The following SEPTIN11 variants were observed in gnomAD, a reference collection of about 807,000 sequenced individuals.
SEPTIN11 encodes the protein septin 11.
A neutral mutation model predicts 51.4 loss-of-function variants in SEPTIN11; 25 were observed. That is an observed-to-expected ratio of 0.49 (90% CI 0.35 to 0.68). The LOEUF is 0.68. SEPTIN11 is among the 30% of genes least tolerant of loss of function. SEPTIN11 has a pLI of 0.00. For missense variants in SEPTIN11, 381 were observed against 520.8 expected (o/e 0.73, Z 2.61); for synonymous variants, 174 against 184.1 (o/e 0.95, Z 0.44).
At chr4:77,004,399 T>A (rs1724336524) in intron 2 of SEPTIN11, among the ~76,000 whole-genome samples, 1 of 152,142 alleles carries the variant, frequency 6.6e-6, no homozygotes, top group African/African-American at 2.4e-5. Context: ...TCCAGCTGGA[T>A]AAAGAAAAAT....
chr4:76,993,716 A>T (rs1723505148), intron 1 of SEPTIN11, among the ~76,000 whole-genome samples: 5 of 152,230 alleles, frequency 3.3e-5, no homozygotes, highest in Admixed American at 3.3e-4. Context: ...AATTAGGCTC[A>T]AATTATGAAA....
intron 2 of SEPTIN11, among the ~76,000 whole-genome samples, chr4:76,997,488 C>T (rs572150315): frequency 6.6e-6 from 1 of 152,210 alleles, no homozygotes; most frequent in South Asian, 2.1e-4. Flanking sequence ...TTAAAAACTT[C>T]TTGAACTTCT....
rs2109968699 is a variant in SEPTIN11, at chr4:77,019,218, C to A, written c.741C>A (p.Asn247Lys). The change falls in exon 6 of 10, where the codon AAC becomes AAA. Residue 247 changes from asparagine to lysine, a missense_variant. Coordinates refer to ENST00000264893, the MANE Select transcript of SEPTIN11 (RefSeq NM_018243.4). ...GCACCGAAGAGGTGAAGATTGGCAA[C>A]AAGATGGCAAAGGCCAGGCAGTACC... ...VGSTEEVKIG[N>K]KMAKARQYPW... The A allele has an allele frequency of 6.2e-7, 1 of 1,613,674 alleles. No homozygotes were observed. The highest frequency in any genetic ancestry group is 8.5e-7 in the Non-Finnish European group (1 of 1,179,870).
At chr4:76,966,778 C>T (rs1018611984) in intron 1 of SEPTIN11, among the ~76,000 whole-genome samples, 5 of 151,924 alleles carry the variant, frequency 3.3e-5, no homozygotes, top group African/African-American at 1.2e-4. Context: ...GTGGGAGGAT[C>T]GCTTGAGTCT....
intron 3 of SEPTIN11, among the ~76,000 whole-genome samples, chr4:77,007,763 C>T (rs1441631936): frequency 1.3e-5 from 2 of 152,216 alleles, no homozygotes; most frequent in African/African-American, 2.4e-5. Flanking sequence ...GCACTTAAAA[C>T]TCTCTGTTAC....
In SEPTIN11 at chr4:76,949,876, C is replaced by G. The variant is rs995191262; in HGVS notation, c.-28C>G. ...CCGGAGTCGGCGTAAAGCACCCGGG[C>G]GCAGCCGGAGCCGGTGCCGCAGCTG... is the stretch of plus-strand genomic sequence containing the variant. On this transcript the variant is annotated 5_prime_UTR_variant, in exon 1 of 10. Coordinates refer to ENST00000264893, the MANE Select transcript of SEPTIN11 (RefSeq NM_018243.4). 26 of 1,515,974 alleles carry G rather than the reference C, an allele frequency of 1.7e-5. No individual in the cohort carries two copies. The African/African-American group carries it at 3.8e-4, about 22-fold the overall frequency. 93.9% of individuals were successfully genotyped at this position (1,515,974 alleles called of 1,614,324 possible).
At chr4:76,959,695 GA>G (rs1036260882) in intron 1 of SEPTIN11, among the ~76,000 whole-genome samples, 18 of 151,502 alleles carry the variant, frequency 1.2e-4, no homozygotes, top group Middle Eastern at 3.4e-3. Context: ...AAACTCTTTT[GA>G]AAAAAAATAA....
chr4:77,037,617 G>A lies in SEPTIN11; in HGVS notation c.*3105G>A. The A allele has an allele frequency of 1.0e-6, 1 of 985,404 alleles. No individual in the cohort carries two copies. The highest frequency in any genetic ancestry group is 1.2e-6 in the Non-Finnish European group (1 of 829,902). 61.0% of individuals were successfully genotyped at this position (985,404 alleles called of 1,614,324 possible). The stretch of plus-strand genomic sequence containing the variant: ...TGGCCACCTCTTTTTTGGGGATTGA[G>A]GGGCCTACATAACTAGCTGGCCTTA... On this transcript the variant is annotated 3_prime_UTR_variant, in exon 10 of 10. Transcript: ENST00000264893.
intron 7 of SEPTIN11, among the ~76,000 whole-genome samples, chr4:77,027,356 G>A (rs1379853719): frequency 1.3e-5 from 2 of 151,960 alleles, no homozygotes; most frequent in South Asian, 2.1e-4. Context: ...GGCTGGTCTC[G>A]AACTCTTGAC....
intron 1 of SEPTIN11, among the ~76,000 whole-genome samples, chr4:76,952,905 G>A (rs2109874426): frequency 6.6e-6 from 1 of 152,292 alleles, no homozygotes; most frequent in Admixed American, 6.5e-5. Flanking sequence ...ACAGAACATG[G>A]CAATTTACTC....
chr4:77,001,711 T>C (rs7677255), intron 2 of SEPTIN11, among the ~76,000 whole-genome samples: 82,627 of 152,072 alleles, frequency 0.54, 23,177 homozygotes, highest in Non-Finnish European at 0.61. Flanking sequence ...AGTTTTGAAA[T>C]ACTTTAGTCA....
Position 77,036,278 on chromosome 4 carries a change from T to C in SEPTIN11, c.*1766T>C. The C allele has an allele frequency of 9.9e-7, 1 of 1,009,248 alleles. No homozygotes were observed. The highest frequency in any genetic ancestry group is 1.2e-6 in the Non-Finnish European group (1 of 845,084). The allele number at this position is 1,009,248 out of a possible 1,614,324, so 62.5% of individuals were successfully genotyped here. On this transcript the variant is annotated 3_prime_UTR_variant, in exon 10 of 10. Transcript: ENST00000264893. Reference sequence around the variant, plus strand: ...GGACCAACATTCTTGTTTTTGCTTTTGTTTTTTTAAATAATTCTAGTCTGG... The same window carrying C: ...GGACCAACATTCTTGTTTTTGCTTTCGTTTTTTTAAATAATTCTAGTCTGG...
chr4:77,037,897 A>G lies in SEPTIN11; in HGVS notation c.*3385A>G, dbSNP rs1040085145. ...ATCTTCCTTCTCTGCTTTGTGACTC[A>G]CCAGCAGTAACACACACAATCCACA... On this transcript the variant is annotated 3_prime_UTR_variant, in exon 10 of 10. Coordinates refer to ENST00000264893, the MANE Select transcript of SEPTIN11 (RefSeq NM_018243.4). The G allele has an allele frequency of 1.0e-6, 1 of 985,900 alleles. No individual in the cohort carries two copies. Among genetic ancestry groups the G allele is most frequent in the African/African-American group, 1.7e-5 (1 of 57,360 alleles). The allele number at this position is 985,900 out of a possible 1,614,324, so 61.1% of individuals were successfully genotyped here. A position where few individuals can be genotyped will look rare whatever the true frequency, so the allele number is the denominator to read the frequency against.
chr4:76,997,317 T>A (rs1723793460), intron 2 of SEPTIN11, among the ~76,000 whole-genome samples: 1 of 152,164 alleles, frequency 6.6e-6, no homozygotes, highest in Admixed American at 6.5e-5. Flanking sequence ...TGTAGCCAAG[T>A]GGACTGTCTT....
Position 77,037,608 on chromosome 4 carries a change from G to C in SEPTIN11, c.*3096G>C. The C allele has an allele frequency of 1.0e-6, 1 of 985,270 alleles. No individual in the cohort carries two copies. The highest frequency in any genetic ancestry group is 1.2e-6 in the Non-Finnish European group (1 of 829,856). The allele number at this position is 985,270 out of a possible 1,614,324, so 61.0% of individuals were successfully genotyped here. ...TGCTGACAGTGGCCACCTCTTTTTT[G>C]GGGATTGAGGGGCCTACATAACTAG... On this transcript the variant is annotated 3_prime_UTR_variant, in exon 10 of 10. Transcript: ENST00000264893.
chr4:77,023,269 T>TACACACACACAC (rs61693678), intron 7 of SEPTIN11, among the ~76,000 whole-genome samples: 88 of 139,254 alleles, frequency 6.3e-4, no homozygotes, highest in East Asian at 2.9e-3. Flanking sequence ...GGAAAATGTA[T>TACACACACACAC]ACACACACAC....
chr4:77,027,911 T>C (rs1478584572), intron 7 of SEPTIN11, among the ~76,000 whole-genome samples: 3 of 152,138 alleles, frequency 2.0e-5, no homozygotes, highest in African/African-American at 7.2e-5. Flanking sequence ...GAGGATAGAA[T>C]TGAAAATAAA....
At chr4:76,974,091 A>C (rs1416621759) in intron 1 of SEPTIN11, among the ~76,000 whole-genome samples, 1 of 152,140 alleles carries the variant, frequency 6.6e-6, no homozygotes, top group Non-Finnish European at 1.5e-5. Context: ...CTTTTCCAGC[A>C]ATCTTTTGAT....
In SEPTIN11 at chr4:77,019,265, T is replaced by C. The variant is rs28541859; in HGVS notation, c.784+4T>C. 3.1e-6 allele frequency: 5 copies of C among 1,606,068 alleles called. No individual in the cohort carries two copies. In the South Asian group the frequency reaches 4.5e-5, roughly 14 times the overall value. On this transcript the variant is annotated splice_donor_region_variant and intron_variant, in intron 6 of 9. Transcript: ENST00000264893. ...TACCCCTGGGGTGTGGTGCAGGGTATGTGCACAGCATGGGAGATGGAGTCT... is the reference window on the plus strand; with the variant it reads ...TACCCCTGGGGTGTGGTGCAGGGTACGTGCACAGCATGGGAGATGGAGTCT...
Sources: gnomAD v4.1 joint callset for allele counts (sites outside exome capture counted in the v4.1 genomes callset) on GRCh38, gnomAD v4.1.1 for gene constraint, MANE v1.5 for transcripts, NCBI Gene and HGNC (gene_info 2026-07-23, HGNC 2026-07-21) for gene names.